Variants in CDH23 observed in about 807,000 individuals in gnomAD.
CDH23 encodes cadherin-23.
A neutral mutation model predicts 317.1 loss-of-function variants in CDH23; 189 were observed. The observed-to-expected ratio is 0.60, with a 90% CI of 0.53 to 0.67. The LOEUF is 0.67. CDH23 is among the 30% of genes least tolerant of loss of function. The pLI is 0.00. For missense variants in CDH23, 4,401 were observed against 4,592.4 expected (o/e 0.96, Z 1.20); for synonymous variants, 1,839 against 1,876.8 (o/e 0.98, Z 0.52).
intron 3 of CDH23, among the ~76,000 whole-genome samples, chr10:71,479,116 A>G (rs991661307): frequency 6.6e-6 from 1 of 152,192 alleles, no homozygotes; most frequent in South Asian, 2.1e-4. Flanking sequence ...ATGTAAGATG[A>G]GGCTCAGAGA....
intron 1 of CDH23, among the ~76,000 whole-genome samples, chr10:71,414,260 T>C (rs1477764114): frequency 6.6e-6 from 1 of 152,238 alleles, no homozygotes; most frequent in Non-Finnish European, 1.5e-5. Flanking sequence ...GTTTTGTTCC[T>C]GATCTTAGGA....
At chr10:71,687,022 A>G (rs1220164311) in intron 18 of CDH23, among the ~76,000 whole-genome samples, 2 of 152,100 alleles carry the variant, frequency 1.3e-5, no homozygotes, top group Non-Finnish European at 2.9e-5. Flanking sequence ...CTGGGCTGGA[A>G]GAGATATTGC....
intron 40 of CDH23, among the ~76,000 whole-genome samples, chr10:71,778,833 G>A (rs927034648): frequency 5.3e-5 from 8 of 152,136 alleles, no homozygotes; most frequent in Non-Finnish European, 1.0e-4. Context: ...ACAGCTCACT[G>A]CAGACTCGAC....
In CDH23 at chr10:71,446,480, G is replaced by T; in HGVS notation, c.145+85G>T. The T allele has an allele frequency of 3.0e-6, 4 of 1,344,650 alleles. No individual in the cohort carries two copies. The South Asian group carries it at 4.7e-5, about 16-fold the overall frequency. 83.3% of individuals were successfully genotyped at this position (1,344,650 alleles called of 1,614,324 possible). A position where few individuals can be genotyped will look rare whatever the true frequency, so the allele number is the denominator to read the frequency against. On this transcript the variant is annotated intron_variant, in intron 3 of 69. Coordinates refer to ENST00000224721, the MANE Select transcript of CDH23 (RefSeq NM_022124.6). The stretch of plus-strand genomic sequence containing the variant: ...AAGTGAAGGGGATCTTACAGGTTGA[G>T]GTCATCTTCCACCTGATTTTGGAAT...
chr10:71,784,751 C>G (rs1392170061), intron 42 of CDH23, 140 bp from the exon 43 acceptor site: 4 of 673,292 alleles, frequency 5.9e-6, no homozygotes, highest in African/African-American at 1.8e-5. Context: ...CTTTCTTCCT[C>G]TCCCCTTTTC....
intron 3 of CDH23, among the ~76,000 whole-genome samples, chr10:71,502,568 T>G (rs1306124194): frequency 1.3e-5 from 2 of 152,068 alleles, no homozygotes; most frequent in Non-Finnish European, 2.9e-5. Context: ...TGTGCAGAGG[T>G]GCAAACAATG....
chr10:71,643,087 C>T (rs750631744), intron 11 of CDH23, among the ~76,000 whole-genome samples: 1 of 152,206 alleles, frequency 6.6e-6, no homozygotes, highest in African/African-American at 2.4e-5. Context: ...TTAGTGTCCT[C>T]GTTCGCATCA....
At chr10:71,465,993 G>C (rs368910781) in intron 3 of CDH23, among the ~76,000 whole-genome samples, 1 of 152,170 alleles carries the variant, frequency 6.6e-6, no homozygotes, top group Non-Finnish European at 1.5e-5. Context: ...GCGTCACCCC[G>C]GCCTGTGCTG....
intron 66 of CDH23, 25 bp downstream of exon 66, chr10:71,812,040 G>C (rs182272954): frequency 3.1e-6 from 5 of 1,613,910 alleles, no homozygotes; most frequent in Non-Finnish European, 3.4e-6. Flanking sequence ...GGCCCTGCCC[G>C]GTCCCCTGCG....
chr10:71,699,646 T>C (rs1230428517), intron 22 of CDH23, among the ~76,000 whole-genome samples: 3 of 152,188 alleles, frequency 2.0e-5, no homozygotes, highest in Non-Finnish European at 4.4e-5. Flanking sequence ...GGCATTGATT[T>C]AGAGCCTTTC....
At chr10:71,590,450 A>G (rs1859389072) in intron 9 of CDH23, among the ~76,000 whole-genome samples, 1 of 152,120 alleles carries the variant, frequency 6.6e-6, no homozygotes, top group Non-Finnish European at 1.5e-5. Flanking sequence ...TTTGACTGCC[A>G]GTTCGTGAGG....
chr10:71,523,399 A>G (rs1374500505), intron 6 of CDH23, among the ~76,000 whole-genome samples: 1 of 152,106 alleles, frequency 6.6e-6, no homozygotes, highest in East Asian at 1.9e-4. Context: ...GATCCCTCAA[A>G]CTCGGGGACT....
intron 9 of CDH23, among the ~76,000 whole-genome samples, chr10:71,606,707 A>G (rs905305647): frequency 2.0e-5 from 3 of 152,234 alleles, no homozygotes; most frequent in African/African-American, 2.4e-5. Flanking sequence ...GTGCTTTGAA[A>G]GAAATAAAAG....
chr10:71,783,137 T>G (rs1327729192), intron 41 of CDH23, among the ~76,000 whole-genome samples: 1 of 151,956 alleles, frequency 6.6e-6, no homozygotes, highest in Non-Finnish European at 1.5e-5. Flanking sequence ...TAACTAACCT[T>G]CTCTCCATTC....
Position 71,682,551 on chromosome 10 carries a change from C to G in CDH23, c.1965C>G (p.Val655=). Residue 655 remains valine (V), a synonymous_variant, in exon 18 of 70, where the codon GTC becomes GTG. Coordinates refer to ENST00000224721, the MANE Select transcript of CDH23 (RefSeq NM_022124.6). ...DAGNPPLNST[V]PVTIEVFDEN... ...GCAACCCCCCTCTCAACAGCACCGT[C>G]CCTGTCACCATCGAGGTGTTTGTAA... The G allele has an allele frequency of 3.1e-6, 5 of 1,613,616 alleles. No homozygotes were observed. Among genetic ancestry groups the G allele is most frequent in the Non-Finnish European group, 4.2e-6 (5 of 1,179,736 alleles).
Position 71,807,417 on chromosome 10 carries a change from A to T in CDH23, c.8308+11A>T. 3.1e-6 allele frequency: 5 copies of T among 1,613,788 alleles called. No individual in the cohort carries two copies. Among genetic ancestry groups the T allele is most frequent in the Non-Finnish European group, 4.2e-6 (5 of 1,179,754 alleles). On this transcript the variant is annotated intron_variant, in intron 58 of 69. Transcript: ENST00000224721. ...ACTACTTCATCGCAGGTGGGGCCAGACAGAGCTAGTGCCCTGATTACCCTG... is the reference window on the plus strand; with the variant it reads ...ACTACTTCATCGCAGGTGGGGCCAGTCAGAGCTAGTGCCCTGATTACCCTG...
chr10:71,548,301 G>C (rs1319440050), intron 6 of CDH23, among the ~76,000 whole-genome samples: 2 of 152,178 alleles, frequency 1.3e-5, no homozygotes, highest in East Asian at 3.9e-4. Flanking sequence ...GTGGTGGAGG[G>C]GGGTGATGGC....
rs397517311 is a variant in CDH23, at chr10:71,677,626, A to G, written c.1685A>G (p.Gln562Arg). The stretch of plus-strand genomic sequence containing the variant: ...GTCAACGACAACGTGCCCACCTTCC[A>G]GAAGGATGCCTACGTGGGTGCTCTG... The part of the protein sequence containing the change: ...LDVNDNVPTF[Q>R]KDAYVGALRE... The change falls in exon 16 of 70, where the codon CAG (glutamine) becomes CGG (arginine). Residue 562 changes from glutamine (Q) to arginine (R), a missense_variant. Transcript: ENST00000224721. The G allele has an allele frequency of 1.3e-5, 20 of 1,599,180 alleles. No homozygotes were observed. Among genetic ancestry groups the G allele is most frequent in the Non-Finnish European group, 1.4e-5 (16 of 1,173,372 alleles).
rs767815685 is a variant in CDH23, at chr10:71,806,012, CGGTGCGAGGGGCG to C, written c.8064+18_8064+30del. 1.9e-6 allele frequency: 1 copy of C among 525,780 alleles called. No homozygotes were observed. The highest frequency in any genetic ancestry group is 1.6e-5 in the South Asian group (1 of 63,204). The allele number at this position is 525,780 out of a possible 1,614,324, so 32.6% of individuals were successfully genotyped here. ...CGGTGTACAGCGTAAGGGCGGGGCCCGGTGCGAGGGGCGGGGTCTGGGGCGGGGCTTTCTTCTG... is the reference window on the plus strand; with the variant it reads ...CGGTGTACAGCGTAAGGGCGGGGCCCGGGTCTGGGGCGGGGCTTTCTTCTG... On this transcript the variant is annotated intron_variant, in intron 56 of 69. Coordinates refer to ENST00000224721, the MANE Select transcript of CDH23 (RefSeq NM_022124.6).
Sources: allele counts gnomAD v4.1 joint callset (sites outside exome capture counted in the v4.1 genomes callset), GRCh38; gene constraint gnomAD v4.1.1; transcripts MANE v1.5; gene names NCBI Gene and HGNC (gene_info 2026-07-23, HGNC 2026-07-21).